Variants in TAFA1 observed in about 807,000 individuals in gnomAD.
TAFA1 encodes TAFA chemokine like family member 1.
Under a neutral mutation model 18.5 loss-of-function variants are expected in TAFA1, and 4 were observed. That is an observed-to-expected ratio of 0.22 (90% confidence interval 0.11 to 0.49). The LOEUF is 0.49. Ranked by LOEUF, TAFA1 falls within the 20% of genes least tolerant of loss-of-function variation. The pLI is 0.98. For synonymous variants in TAFA1, 56 were observed against 55.2 expected, an observed-to-expected ratio of 1.01 and a Z score of -0.06; for missense variants, 147 against 169.0, an observed-to-expected ratio of 0.87 and a Z score of 0.72.
intron 3 of TAFA1, among the ~76,000 whole-genome samples, chr3:68,492,285 G>A (rs1259024552): frequency 6.6e-6 from 1 of 152,032 alleles, no homozygotes; most frequent in African/African-American, 2.4e-5. Flanking sequence ...CCTTCTTATG[G>A]ACCCATTCTA....
At chr3:68,106,895 G>T (rs2065210661) in intron 2 of TAFA1, among the ~76,000 whole-genome samples, 1 of 152,056 alleles carries the variant, frequency 6.6e-6, no homozygotes, top group African/African-American at 2.4e-5. Context: ...ACCTCTAAAA[G>T]AATGGCTAAA....
chr3:68,133,905 C>A (rs181178610), intron 2 of TAFA1, among the ~76,000 whole-genome samples: 1 of 151,714 alleles, frequency 6.6e-6, no homozygotes, highest in Non-Finnish European at 1.5e-5. Context: ...AATAAAGATA[C>A]AATTAATTGG....
chr3:68,408,079 C>G (rs2070644462), intron 2 of TAFA1, among the ~76,000 whole-genome samples: 1 of 152,000 alleles, frequency 6.6e-6, no homozygotes, highest in Non-Finnish European at 1.5e-5. Context: ...CTTATACAAC[C>G]CTGATCAAAA....
chr3:68,233,107 A>G (rs1483593727), intron 2 of TAFA1, among the ~76,000 whole-genome samples: 1 of 152,134 alleles, frequency 6.6e-6, no homozygotes, highest in Non-Finnish European at 1.5e-5. Context: ...ATAATTAGTG[A>G]CATTGAGCAT....
intron 2 of TAFA1, among the ~76,000 whole-genome samples, chr3:68,327,519 A>G (rs1422552191): frequency 6.6e-6 from 1 of 152,210 alleles, no homozygotes; most frequent in Admixed American, 6.5e-5. Context: ...TGCTAGCAGC[A>G]TGAAACTGGT....
chr3:68,030,690 GT>G (rs1457086936), intron 2 of TAFA1, among the ~76,000 whole-genome samples: 12 of 152,260 alleles, frequency 7.9e-5, no homozygotes, highest in Middle Eastern at 3.4e-3. Flanking sequence ...TTGGTTCCAA[GT>G]CTTTGCTATT....
intron 2 of TAFA1, among the ~76,000 whole-genome samples, chr3:68,139,934 C>T (rs2106899632): frequency 6.6e-6 from 1 of 152,202 alleles, no homozygotes; most frequent in African/African-American, 2.4e-5. Flanking sequence ...TTGTTATCGA[C>T]AAAATGGAGA....
At chr3:68,462,334 T>A (rs2106926153) in intron 3 of TAFA1, among the ~76,000 whole-genome samples, 1 of 152,140 alleles carries the variant, frequency 6.6e-6, no homozygotes, top group African/African-American at 2.4e-5. Context: ...TGGGGGCAAG[T>A]CTTCCCTGTG....
chr3:68,185,820 G>C (rs938097804), intron 2 of TAFA1, among the ~76,000 whole-genome samples: 3 of 152,072 alleles, frequency 2.0e-5, no homozygotes, highest in Admixed American at 2.0e-4. Flanking sequence ...GCTGAGATGG[G>C]AGGATCCCTT....
chr3:68,258,115 C>A (rs772859817), intron 2 of TAFA1, among the ~76,000 whole-genome samples: 18 of 152,078 alleles, frequency 1.2e-4, no homozygotes, highest in Non-Finnish European at 1.9e-4. Flanking sequence ...CTGGTAAAAT[C>A]CAAATAAAGT....
At chr3:68,022,584 G>A (rs1704714474) in intron 2 of TAFA1, among the ~76,000 whole-genome samples, 1 of 151,846 alleles carries the variant, frequency 6.6e-6, no homozygotes, top group South Asian at 2.1e-4. Flanking sequence ...AGTAAGGGAT[G>A]GAATTTGAGT....
At chr3:68,263,234 T>A (rs538168343) in intron 2 of TAFA1, among the ~76,000 whole-genome samples, 2 of 152,308 alleles carry the variant, frequency 1.3e-5, no homozygotes, top group South Asian at 4.1e-4. Context: ...TATACTTCTA[T>A]GGTATAAACC....
chr3:68,472,804 A>G (rs377034843), intron 3 of TAFA1, among the ~76,000 whole-genome samples: 1 of 152,292 alleles, frequency 6.6e-6, no homozygotes, highest in African/African-American at 2.4e-5. Context: ...AGTGATAGCA[A>G]CTTTTTGGAG....
At chr3:68,271,016 C>T (rs927717035) in intron 2 of TAFA1, among the ~76,000 whole-genome samples, 3 of 151,892 alleles carry the variant, frequency 2.0e-5, no homozygotes, top group African/African-American at 4.8e-5. Flanking sequence ...CTGCTTAAGC[C>T]GAGAAAAATA....
chr3:68,493,448 T>C (rs185094980), intron 3 of TAFA1, among the ~76,000 whole-genome samples: 1 of 152,348 alleles, frequency 6.6e-6, no homozygotes, highest in Admixed American at 6.5e-5. Flanking sequence ...GCTATGCACA[T>C]GGGTGCACAA....
chr3:68,382,034 A>G (rs2069972664), intron 2 of TAFA1, among the ~76,000 whole-genome samples: 1 of 152,226 alleles, frequency 6.6e-6, no homozygotes, highest in African/African-American at 2.4e-5. Context: ...CTATTGAGAT[A>G]ATCATGTGGT....
chr3:68,330,939 A>G (rs1249205969), intron 2 of TAFA1, among the ~76,000 whole-genome samples: 1 of 152,150 alleles, frequency 6.6e-6, no homozygotes, highest in Admixed American at 6.5e-5. Context: ...AAATAGTTCC[A>G]TACCTAAAAG....
chr3:68,465,566 T>C (rs919013529), intron 3 of TAFA1, among the ~76,000 whole-genome samples: 1 of 152,196 alleles, frequency 6.6e-6, no homozygotes, highest in Admixed American at 6.6e-5. Flanking sequence ...AGAAATTTAT[T>C]TCTGAAGTTA....
intron 2 of TAFA1, among the ~76,000 whole-genome samples, chr3:68,331,320 A>T (rs2068864685): frequency 1.3e-5 from 2 of 152,186 alleles, no homozygotes; most frequent in Non-Finnish European, 2.9e-5. Context: ...GAAGGGTACA[A>T]GTTCTCCTTT....
Sources: allele counts gnomAD v4.1 joint callset (sites outside exome capture counted in the v4.1 genomes callset), GRCh38; gene constraint gnomAD v4.1.1; transcripts MANE v1.5; gene names NCBI Gene and HGNC (gene_info 2026-07-23, HGNC 2026-07-21).